The following SYNPO2 variants were observed in gnomAD, a reference collection of about 807,000 sequenced individuals.
SYNPO2 encodes the protein synaptopodin 2.
A neutral mutation model predicts 85.0 loss-of-function variants in SYNPO2; 56 were observed. The observed-to-expected ratio is 0.66, with a 90% CI of 0.53 to 0.82. The LOEUF is 0.82. Among genes scored for constraint, SYNPO2 ranks in the 40% least tolerant of loss-of-function variants. SYNPO2 has a pLI of 0.00. For synonymous variants in SYNPO2, 602 were observed against 591.1 expected, an observed-to-expected ratio of 1.02 and a Z score of -0.27; for missense variants, 1,575 against 1,534.2, an observed-to-expected ratio of 1.03 and a Z score of -0.44.
chr4:119,041,856 G>C (rs773487593), intron 4 of SYNPO2, among the ~76,000 whole-genome samples: 3 of 152,108 alleles, frequency 2.0e-5, no homozygotes, highest in Non-Finnish European at 4.4e-5. Flanking sequence ...TAGAGATTCT[G>C]ATTTACTAGG....
At chr4:118,894,472 G>A (rs1732482268) in intron 1 of SYNPO2, among the ~76,000 whole-genome samples, 2 of 151,974 alleles carry the variant, frequency 1.3e-5, no homozygotes, top group South Asian at 4.2e-4. Context: ...TTTCCTGGTA[G>A]CTTGTCTTCT....
At chr4:118,950,960 G>A (rs1382742235) in intron 1 of SYNPO2, among the ~76,000 whole-genome samples, 1 of 152,190 alleles carries the variant, frequency 6.6e-6, no homozygotes, top group Non-Finnish European at 1.5e-5. Flanking sequence ...TAAAGATATT[G>A]AAGTCTTCAT....
At chr4:119,022,774 ATTT>A (rs1348743897) in intron 1 of SYNPO2, among the ~76,000 whole-genome samples, 6 of 115,390 alleles carry the variant, frequency 5.2e-5, no homozygotes, top group East Asian at 3.1e-4. Context: ...ATTTTATTTT[ATTT>A]TATTTTATTT....
At chr4:119,042,414 T>G (rs974901286) in intron 4 of SYNPO2, 1 of 152,192 alleles carries the variant, frequency 6.6e-6, no homozygotes, top group East Asian at 1.9e-4. Context: ...AAAAAGATTG[T>G]ATGACTTCCC....
chr4:119,056,984 G>GC (rs1739227426), intron 4 of SYNPO2, among the ~76,000 whole-genome samples: 1 of 152,210 alleles, frequency 6.6e-6, no homozygotes, highest in Non-Finnish European at 1.5e-5. Context: ...TTTTGTACCA[G>GC]CAAAGCAGGA....
intron 1 of SYNPO2, among the ~76,000 whole-genome samples, chr4:118,980,674 C>T (rs1735971197): frequency 6.6e-6 from 1 of 152,138 alleles, no homozygotes; most frequent in South Asian, 2.1e-4. Flanking sequence ...GTATCTATAA[C>T]TATCACAGCA....
chr4:119,003,812 G>A (rs1380525401), intron 1 of SYNPO2, among the ~76,000 whole-genome samples: 1 of 152,088 alleles, frequency 6.6e-6, no homozygotes, highest in Non-Finnish European at 1.5e-5. Flanking sequence ...TATTTTAATT[G>A]ACTGGCTAAT....
intron 1 of SYNPO2, among the ~76,000 whole-genome samples, chr4:118,986,438 G>A (rs1736220324): frequency 6.6e-6 from 1 of 152,160 alleles, no homozygotes; most frequent in Non-Finnish European, 1.5e-5. Context: ...TGCCAAGAAT[G>A]TTCTTTGGGT....
chr4:118,934,628 A>G (rs1246719487), intron 1 of SYNPO2, among the ~76,000 whole-genome samples: 1 of 152,226 alleles, frequency 6.6e-6, no homozygotes, highest in Non-Finnish European at 1.5e-5. Flanking sequence ...ATGGAAATTT[A>G]TGGCTTTTAG....
At chr4:118,963,644 A>G (rs2149149979) in intron 1 of SYNPO2, among the ~76,000 whole-genome samples, 1 of 152,276 alleles carries the variant, frequency 6.6e-6, no homozygotes, top group East Asian at 1.9e-4. Flanking sequence ...AAAAAATCAG[A>G]TTTTATTATA....
chr4:118,871,805 G>A (rs995940437), intron 1 of SYNPO2, among the ~76,000 whole-genome samples: 7 of 152,140 alleles, frequency 4.6e-5, no homozygotes, highest in Non-Finnish European at 7.4e-5. Flanking sequence ...TCCTGACCTC[G>A]TAATCCGCCC....
intron 1 of SYNPO2, among the ~76,000 whole-genome samples, chr4:118,994,400 G>A (rs1736514407): frequency 6.6e-6 from 1 of 152,182 alleles, no homozygotes; most frequent in Non-Finnish European, 1.5e-5. Context: ...AATCAAATGA[G>A]CTTGGCGTTC....
At chr4:118,864,568 ATCTG>A (rs745851994) in intron 1 of SYNPO2, among the ~76,000 whole-genome samples, 4 of 152,092 alleles carry the variant, frequency 2.6e-5, no homozygotes, top group Non-Finnish European at 4.4e-5. Context: ...TTGTATTTCG[ATCTG>A]TCTGTCTCGT....
At chr4:118,889,816 C>T (rs1201251213) in intron 1 of SYNPO2, among the ~76,000 whole-genome samples, 2 of 152,148 alleles carry the variant, frequency 1.3e-5, no homozygotes, top group Non-Finnish European at 2.9e-5. Flanking sequence ...AACTTTGTAA[C>T]ACATTAATAA....
chr4:119,021,904 C>T (rs1006097688), intron 1 of SYNPO2, among the ~76,000 whole-genome samples: 48 of 152,334 alleles, frequency 3.2e-4, no homozygotes, highest in African/African-American at 1.0e-3. Context: ...CCAAGGAGAG[C>T]ATAGACCTGA....
intron 1 of SYNPO2, among the ~76,000 whole-genome samples, chr4:118,915,776 T>G (rs1733297701): frequency 6.6e-6 from 1 of 152,208 alleles, no homozygotes; most frequent in South Asian, 2.1e-4. Context: ...AGTTGATGCA[T>G]GATTTTACAT....
At chr4:118,974,210 T>C (rs188315050) in intron 1 of SYNPO2, among the ~76,000 whole-genome samples, 208 of 152,382 alleles carry the variant, frequency 1.4e-3, no homozygotes, top group Middle Eastern at 6.8e-3. Context: ...GCAAGTGGCA[T>C]CTGTAGCATT....
rs1310918917 is a variant in SYNPO2 at position 119,031,593 on chromosome 4, T to C, written c.2818T>C (p.Ser940Pro). 1.2e-6 allele frequency: 2 copies of C among 1,613,986 alleles called. No homozygotes were observed. The highest frequency in any genetic ancestry group is 2.2e-5 in the South Asian group (2 of 91,064). The stretch of plus-strand genomic sequence containing the variant: ...GTCTTACCCACTGGCTGCTCTCAAG[T>C]CTCAGCCATCAGCTGCACAGCCCTC... ...SPSYPLAALK[S>P]QPSAAQPSKM... The change falls in exon 4 of 5, where the codon TCT (serine) becomes CCT (proline). Residue 940 changes from serine to proline, a missense_variant. Physicochemically the swap from Ser to Pro is moderately conservative, Grantham distance 74. Transcript: ENST00000307142.
intron 1 of SYNPO2, among the ~76,000 whole-genome samples, chr4:119,014,625 A>T (rs1365631196): frequency 6.6e-6 from 1 of 152,198 alleles, no homozygotes; most frequent in Admixed American, 6.5e-5. Flanking sequence ...CTCAAAACAG[A>T]GTATCTTTGA....
Sources: allele counts gnomAD v4.1 joint callset (sites outside exome capture counted in the v4.1 genomes callset), GRCh38; gene constraint gnomAD v4.1.1; transcripts MANE v1.5; gene names NCBI Gene and HGNC (gene_info 2026-07-23, HGNC 2026-07-21).